Variants in CAST observed in about 807,000 individuals in gnomAD.
CAST encodes the protein calpastatin.
In CAST, 76 loss-of-function variants were observed where a neutral mutation model predicts 119.6. That is an observed-to-expected ratio of 0.64 (90% CI 0.53 to 0.77). The LOEUF (loss-of-function observed/expected upper bound fraction) is 0.77, where lower values mean the gene tolerates loss of function less well. CAST is among the 30% of genes least tolerant of loss of function. The probability of loss-of-function intolerance (pLI) is 0.00; values close to 1 mark genes in which losing one functional copy is unlikely to be tolerated. For synonymous variants in CAST, 319 were observed against 331.6 expected, an observed-to-expected ratio of 0.96 and a Z score of 0.41; for missense variants, 953 against 946.5, an observed-to-expected ratio of 1.01 and a Z score of -0.09.
chr5:96,508,855 G>C, the CAST span, among the ~76,000 whole-genome samples: 4 of 152,146 alleles, frequency 2.6e-5, no homozygotes, highest in African/African-American at 7.2e-5. Context: ...TAAAATGGAG[G>C]GGAGAAAATA....
chr5:96,380,080 T>A, the CAST span, among the ~76,000 whole-genome samples: 1 of 152,196 alleles, frequency 6.6e-6, no homozygotes, highest in Admixed American at 6.5e-5. Context: ...TAAATTATCA[T>A]GCGCACAACC....
chr5:96,175,217 A>C, the CAST span, among the ~76,000 whole-genome samples: 2 of 152,262 alleles, frequency 1.3e-5, no homozygotes, highest in African/African-American at 4.8e-5. Flanking sequence ...ATAGTTTGTC[A>C]TTGGACAGAA....
the CAST span, among the ~76,000 whole-genome samples, chr5:95,998,012 G>A: frequency 7.1e-6 from 1 of 140,092 alleles, no homozygotes; most frequent in Non-Finnish European, 1.5e-5. Context: ...GGTGAGGAGA[G>A]TAGACAGCTT....
chr5:96,123,782 G>A, the CAST span, among the ~76,000 whole-genome samples: 1 of 152,182 alleles, frequency 6.6e-6, no homozygotes, highest in Non-Finnish European at 1.5e-5. Context: ...TGGGAGAATT[G>A]AGAACTGATT....
At chr5:96,700,931 A>AC (rs1561486910) in intron 3 of CAST, among the ~76,000 whole-genome samples, 2 of 145,028 alleles carry the variant, frequency 1.4e-5, no homozygotes, top group Admixed American at 6.9e-5. Flanking sequence ...TGCGAAAAAA[A>AC]TTTTTTTTTT....
the CAST span, among the ~76,000 whole-genome samples, chr5:96,495,135 A>AAAAAAC: frequency 6.8e-6 from 1 of 146,540 alleles, no homozygotes. Context: ...AAAAAAAAAA[A>AAAAAAC]AAAAAGTGTG....
intron 24 of CAST, chr5:96,760,962 TA>T (rs1269917120): frequency 2.6e-5 from 4 of 152,040 alleles, no homozygotes; most frequent in Non-Finnish European, 4.4e-5. Context: ...TTAATCCAAC[TA>T]AACACTAGCA....
At chr5:96,204,725 C>CCCCCTG in the CAST span, among the ~76,000 whole-genome samples, 6 of 151,992 alleles carry the variant, frequency 3.9e-5, no homozygotes, top group Admixed American at 6.6e-5. Flanking sequence ...CAGTGAAAGT[C>CCCCCTG]CCCCTGCCCC....
At chr5:96,015,864 C>T in the CAST span, among the ~76,000 whole-genome samples, 2 of 152,152 alleles carry the variant, frequency 1.3e-5, no homozygotes, top group Non-Finnish European at 2.9e-5. Context: ...TGGGGAACTT[C>T]ATCCAGGCTT....
At chr5:96,649,739 A>G (rs1280091615) in intron 1 of CAST, among the ~76,000 whole-genome samples, 1 of 152,242 alleles carries the variant, frequency 6.6e-6, no homozygotes, top group Non-Finnish European at 1.5e-5. Context: ...TTCATCCTGC[A>G]TCATCACAGG....
chr5:96,553,960 G>A (rs1746183959), intron 1 of CAST, among the ~76,000 whole-genome samples: 1 of 152,202 alleles, frequency 6.6e-6, no homozygotes, highest in Non-Finnish European at 1.5e-5. Context: ...AATCAGTATT[G>A]TAAAAATGGC....
intron 6 of CAST, chr5:96,728,852 A>C (rs1759862111): frequency 3.5e-6 from 1 of 285,462 alleles, no homozygotes. Context: ...ATCTGTGTAC[A>C]TTTGTGAAAA....
At chr5:96,378,924 T>C in the CAST span, among the ~76,000 whole-genome samples, 1 of 152,194 alleles carries the variant, frequency 6.6e-6, no homozygotes, top group Non-Finnish European at 1.5e-5. Flanking sequence ...ATATATATTC[T>C]ACTTTTAAAA....
chr5:96,675,793 A>T, intron 2 of CAST, 192 bp downstream of exon 2: 1 of 526,094 alleles, frequency 1.9e-6, no homozygotes, highest in Middle Eastern at 5.0e-4. Flanking sequence ...TGTTCCTGGG[A>T]ATAGAGCCTG....
chr5:96,673,218 T>G (rs983323572), intron 1 of CAST, among the ~76,000 whole-genome samples: 2 of 152,364 alleles, frequency 1.3e-5, no homozygotes. Context: ...GTTCTAAAAT[T>G]ACCAGTTCTG....
intron 1 of CAST, among the ~76,000 whole-genome samples, chr5:96,551,449 A>G (rs910866543): frequency 1.3e-5 from 2 of 152,226 alleles, no homozygotes; most frequent in African/African-American, 2.4e-5. Flanking sequence ...AACTGGTACC[A>G]GCCACTGCAA....
At chr5:96,458,180 A>T in the CAST span, among the ~76,000 whole-genome samples, 1 of 152,212 alleles carries the variant, frequency 6.6e-6, no homozygotes, top group Admixed American at 6.5e-5. Flanking sequence ...GAGACTAATA[A>T]TAATATTTTG....
At chr5:96,262,226 G>A in the CAST span, among the ~76,000 whole-genome samples, 24 of 152,280 alleles carry the variant, frequency 1.6e-4, no homozygotes, top group African/African-American at 3.6e-4. Context: ...AAAAGAGAAC[G>A]TGTGGTGGCC....
chr5:96,581,047 G>C (rs1209871941), intron 1 of CAST, among the ~76,000 whole-genome samples: 1 of 152,230 alleles, frequency 6.6e-6, no homozygotes, highest in Non-Finnish European at 1.5e-5. Flanking sequence ...CCAGCCTCTA[G>C]TACTGTGAGA....
Sources: allele counts gnomAD v4.1 joint callset (sites outside exome capture counted in the v4.1 genomes callset), GRCh38; gene constraint gnomAD v4.1.1; transcripts MANE v1.5; gene names NCBI Gene and HGNC (gene_info 2026-07-23, HGNC 2026-07-21).